PCDH11Y: variants seen among roughly 807,000 people sequenced by gnomAD.
PCDH11Y encodes protocadherin-11 Y-linked.
For synonymous variants in PCDH11Y, 9 were observed against 83.6 expected (o/e 0.11, Z 4.87); for missense variants, 12 against 224.8 (o/e 0.05, Z 6.05).
At chrY:5,729,078 C>T in intron 4 of PCDH11Y, among the ~76,000 whole-genome samples, 1 of 33,474 alleles carries the variant, frequency 3.0e-5, no homozygotes, top group Non-Finnish European at 7.5e-5. Flanking sequence ...GCTGTGTCAA[C>T]ATGCAAGTGC....
intron 3 of PCDH11Y, among the ~76,000 whole-genome samples, chrY:5,040,327 T>TG (rs2052605523): frequency 3.1e-5 from 1 of 32,524 alleles, no homozygotes; most frequent in Non-Finnish European, 7.5e-5. Context: ...CAAGGGCATA[T>TG]GTTCACAGTG....
chrY:5,279,694 C>G (rs1602898810), intron 2 of PCDH11Y, among the ~76,000 whole-genome samples: 2 of 1,664 alleles, frequency 1.2e-3, no homozygotes, highest in East Asian at 0.016. Context: ...TTAACTTCTC[C>G]TAAAGGAAAG....
chrY:5,201,208 T>C (rs2052926535), intron 2 of PCDH11Y, among the ~76,000 whole-genome samples: 1 of 33,141 alleles, frequency 3.0e-5, no homozygotes, highest in East Asian at 8.1e-4. Context: ...CTTTCTTTTA[T>C]GCTATCTAGC....
intron 1 of PCDH11Y, among the ~76,000 whole-genome samples, chrY:5,062,086 C>A: frequency 3.1e-5 from 1 of 32,481 alleles, no homozygotes; most frequent in Admixed American, 2.9e-4. Context: ...AAGAATGAGA[C>A]ATCAAATAAT....
chrY:5,050,852 ATT>A (rs2052650527), intron 3 of PCDH11Y, among the ~76,000 whole-genome samples: 1 of 31,975 alleles, frequency 3.1e-5, no homozygotes, highest in Non-Finnish European at 7.6e-5. Flanking sequence ...AAATATATAT[ATT>A]ACACACACAC....
intron 2 of PCDH11Y, among the ~76,000 whole-genome samples, chrY:5,230,268 A>G (rs2052966447): frequency 9.0e-5 from 3 of 33,156 alleles, no homozygotes; most frequent in Admixed American, 8.4e-4. Flanking sequence ...TTTATTGCTT[A>G]TTAATGTCCT....
At chrY:5,631,814 G>A (rs2124703766) in intron 4 of PCDH11Y, among the ~76,000 whole-genome samples, 2 of 33,898 alleles carry the variant, frequency 5.9e-5, no homozygotes, top group Non-Finnish European at 1.5e-4. Flanking sequence ...CTGAGCCAGC[G>A]TGTCACAGTG....
At chrY:5,246,907 G>GCAA in intron 2 of PCDH11Y, among the ~76,000 whole-genome samples, 1 of 32,361 alleles carries the variant, frequency 3.1e-5, no homozygotes, top group Non-Finnish European at 7.6e-5. Flanking sequence ...CAAATGGAAA[G>GCAA]CAACAACAAC....
At chrY:5,336,609 A>C (rs2053138028) in intron 2 of PCDH11Y, among the ~76,000 whole-genome samples, 2 of 30,389 alleles carry the variant, frequency 6.6e-5, no homozygotes, top group Non-Finnish European at 1.6e-4. Context: ...CCAAAAAAAA[A>C]AAAAAAAAAA....
At chrY:5,334,626 G>A in intron 2 of PCDH11Y, among the ~76,000 whole-genome samples, 2 of 33,377 alleles carry the variant, frequency 6.0e-5, no homozygotes, top group Non-Finnish European at 1.5e-4. Context: ...TAAATCAATC[G>A]TATATTTAAA....
chrY:5,574,349 C>A, intron 3 of PCDH11Y: 3 of 351,649 alleles, frequency 8.5e-6, no homozygotes, highest in Non-Finnish European at 1.2e-5. Flanking sequence ...TCCATGCAAA[C>A]CATCCAAAAG....
At chrY:5,587,609 C>G in intron 4 of PCDH11Y, among the ~76,000 whole-genome samples, 1 of 32,166 alleles carries the variant, frequency 3.1e-5, no homozygotes. Flanking sequence ...TATCTGAGTG[C>G]TGTAGTATTG....
intron 2 of PCDH11Y, among the ~76,000 whole-genome samples, chrY:5,225,802 G>C: frequency 3.2e-5 from 1 of 31,556 alleles, no homozygotes. Flanking sequence ...TTGTATTTTG[G>C]ATATAAGCTA....
chrY:5,417,751 C>A (rs2053254150), intron 2 of PCDH11Y, among the ~76,000 whole-genome samples: 78 of 32,500 alleles, frequency 2.4e-3, no homozygotes, highest in Admixed American at 4.2e-3. Flanking sequence ...ATGTAGGGTC[C>A]TAGAGAACCT....
chrY:5,407,992 A>G (rs2124677951), intron 2 of PCDH11Y, among the ~76,000 whole-genome samples: 1 of 31,858 alleles, frequency 3.1e-5, no homozygotes, highest in East Asian at 8.2e-4. Context: ...GCAGAAGCAC[A>G]TCTTTGTCTC....
At chrY:5,519,024 A>T in intron 3 of PCDH11Y, among the ~76,000 whole-genome samples, 1 of 29,435 alleles carries the variant, frequency 3.4e-5, no homozygotes, top group African/African-American at 1.3e-4. Context: ...ATATGAAAGT[A>T]AAAGTTAGTG....
At chrY:5,032,734 T>C in intron 3 of PCDH11Y, 1 of 381,777 alleles carries the variant, frequency 2.6e-6, no homozygotes. Flanking sequence ...TCAAGGTGAG[T>C]TTCATATATA....
chrY:5,530,334 G>A (rs2053391541), intron 3 of PCDH11Y, among the ~76,000 whole-genome samples: 41 of 33,076 alleles, frequency 1.2e-3, no homozygotes, highest in African/African-American at 4.3e-3. Context: ...TGAAAATTCC[G>A]GCAGAAGTTA....
intron 4 of PCDH11Y, among the ~76,000 whole-genome samples, chrY:5,677,461 GGTTGA>G (rs2053554534): frequency 3.1e-5 from 1 of 31,846 alleles, no homozygotes; most frequent in South Asian, 7.4e-4. Flanking sequence ...TCATAACGCA[GGTTGA>G]GTTGTTTTTT....
Sources: allele counts gnomAD v4.1 joint callset (sites outside exome capture counted in the v4.1 genomes callset), GRCh38; gene constraint gnomAD v4.1.1; transcripts MANE v1.5; gene names NCBI Gene and HGNC (gene_info 2026-07-23, HGNC 2026-07-21).